The following SBF2 variants were observed in gnomAD, a reference collection of about 807,000 sequenced individuals.
SBF2 encodes the protein myotubularin-related protein 13.
Under a neutral mutation model 225.2 loss-of-function variants are expected in SBF2, and 112 were observed. The ratio of observed to expected loss-of-function variants is 0.50; its 90% CI spans 0.43 to 0.58. SBF2 has a LOEUF of 0.58. SBF2 is among the 20% of genes least tolerant of loss of function. The pLI is 0.00. For missense variants in SBF2, 1,996 were observed against 2,206.2 expected (o/e 0.90, Z 1.91); for synonymous variants, 763 against 773.3 (o/e 0.99, Z 0.22).
chr11:10,006,987 A>G (rs1439849530), intron 6 of SBF2, among the ~76,000 whole-genome samples: 1 of 152,228 alleles, frequency 6.6e-6, no homozygotes, highest in Non-Finnish European at 1.5e-5. Context: ...CCGTCGGCAC[A>G]AGAGACCCAT....
At chr11:10,220,298 A>T (rs1439593409) in intron 1 of SBF2, among the ~76,000 whole-genome samples, 1 of 152,174 alleles carries the variant, frequency 6.6e-6, no homozygotes, top group Non-Finnish European at 1.5e-5. Context: ...TCGCCCCACC[A>T]GCCCATGATT....
At chr11:10,010,002 G>C (rs1342297099) in intron 6 of SBF2, among the ~76,000 whole-genome samples, 1 of 152,210 alleles carries the variant, frequency 6.6e-6, no homozygotes, top group Non-Finnish European at 1.5e-5. Flanking sequence ...CTGATGATCA[G>C]TGATGATGAG....
intron 16 of SBF2, chr11:9,959,896 C>T (rs1866451312): frequency 2.6e-6 from 1 of 389,868 alleles, no homozygotes; most frequent in Non-Finnish European, 5.0e-6. Context: ...CTCTGCTCTT[C>T]TCCCATTCTC....
At chr11:10,214,917 C>A (rs1431040429) in intron 1 of SBF2, among the ~76,000 whole-genome samples, 1 of 152,172 alleles carries the variant, frequency 6.6e-6, no homozygotes, top group African/African-American at 2.4e-5. Flanking sequence ...CTCACAAAAT[C>A]TTTGGAAAAA....
Position 9,847,026 on chromosome 11 carries a change from T to G in SBF2, c.2864A>C (p.Lys955Thr), listed in dbSNP as rs769683368. The change falls in exon 23 of 40, where the codon AAG becomes ACG. Residue 955 changes from lysine to threonine, a missense_variant. By Grantham distance (78) the Lys-to-Thr change is moderately conservative. Coordinates refer to ENST00000256190, the MANE Select transcript of SBF2 (RefSeq NM_030962.4). ...FPIASITKEK[K>T]ITMQNQLQQN... ...CTGTAGCTGGTTCTGCATTGTAATC[T>G]TCTTCTCCTTGGTGATGGAGGCAAT... The G allele has an allele frequency of 3.7e-6, 6 of 1,613,894 alleles. 1 individual carries two copies. The highest frequency in any genetic ancestry group is 1.3e-5 in the African/African-American group (1 of 75,056).
chr11:9,870,567 T>C (rs1173111149), intron 17 of SBF2, among the ~76,000 whole-genome samples: 1 of 152,236 alleles, frequency 6.6e-6, no homozygotes, highest in Non-Finnish European at 1.5e-5. Context: ...TACAACCATC[T>C]GATCGTTGAC....
chr11:10,041,771 G>A (rs1485462910), intron 3 of SBF2, among the ~76,000 whole-genome samples: 2 of 149,352 alleles, frequency 1.3e-5, no homozygotes, highest in Non-Finnish European at 3.0e-5. Context: ...AGCCATTTCA[G>A]AAAGCAGGCC....
At chr11:9,970,700 G>A (rs935990993) in intron 13 of SBF2, among the ~76,000 whole-genome samples, 1 of 152,138 alleles carries the variant, frequency 6.6e-6, no homozygotes, top group African/African-American at 2.4e-5. Flanking sequence ...GTGATGCAGG[G>A]AAAACAACTT....
intron 26 of SBF2, chr11:9,839,153 C>A (rs191469869): frequency 1.4e-4 from 45 of 327,014 alleles, no homozygotes; most frequent in Admixed American, 3.1e-4. Context: ...TTTGTGGCTC[C>A]CCAGCCTACA....
At chr11:9,834,875 T>TA (rs1327579298) in intron 26 of SBF2, among the ~76,000 whole-genome samples, 1 of 152,180 alleles carries the variant, frequency 6.6e-6, no homozygotes, top group East Asian at 1.9e-4. Flanking sequence ...CTGCCCCCTG[T>TA]AGTGAGCCAT....
intron 1 of SBF2, among the ~76,000 whole-genome samples, chr11:10,289,300 G>C (rs928336917): frequency 3.3e-5 from 5 of 152,250 alleles, no homozygotes; most frequent in East Asian, 3.9e-4. Context: ...TGTGTGGGGT[G>C]GGGGGGCCTC....
At chr11:10,188,198 AT>A (rs1161378543) in intron 2 of SBF2, among the ~76,000 whole-genome samples, 3 of 151,900 alleles carry the variant, frequency 2.0e-5, no homozygotes, top group Non-Finnish European at 2.9e-5. Flanking sequence ...AAGTCAAGAA[AT>A]TTTTTTTTGC....
intron 3 of SBF2, among the ~76,000 whole-genome samples, chr11:10,042,406 T>C (rs938649920): frequency 1.3e-5 from 2 of 152,224 alleles, no homozygotes; most frequent in Non-Finnish European, 2.9e-5. Context: ...CCTGATCATG[T>C]TGATAATACC....
intron 2 of SBF2, among the ~76,000 whole-genome samples, chr11:10,130,742 T>C (rs1402153612): frequency 6.6e-6 from 1 of 152,190 alleles, no homozygotes; most frequent in East Asian, 1.9e-4. Flanking sequence ...CCTGGTGACC[T>C]CTACAATTGT....
At chr11:10,195,765 GA>G (rs1237806977) in intron 1 of SBF2, among the ~76,000 whole-genome samples, 3 of 152,120 alleles carry the variant, frequency 2.0e-5, no homozygotes, top group African/African-American at 7.2e-5. Flanking sequence ...AAATCCATTT[GA>G]AAAAGACAAA....
intron 3 of SBF2, among the ~76,000 whole-genome samples, chr11:10,039,925 T>C (rs986145631): frequency 1.3e-5 from 2 of 151,746 alleles, no homozygotes; most frequent in African/African-American, 4.8e-5. Context: ...GATTTACATA[T>C]TATTGACAAA....
intron 16 of SBF2, among the ~76,000 whole-genome samples, chr11:9,924,983 A>C (rs765643585): frequency 1.3e-5 from 2 of 152,010 alleles, no homozygotes; most frequent in African/African-American, 2.4e-5. Flanking sequence ...TCCTGGGCTC[A>C]AGCAGTTCTC....
intron 2 of SBF2, among the ~76,000 whole-genome samples, chr11:10,076,317 T>G (rs2134836730): frequency 6.6e-6 from 1 of 152,330 alleles, no homozygotes; most frequent in Non-Finnish European, 1.5e-5. Context: ...CAGAAGGCCA[T>G]TCTTGATCCA....
intron 17 of SBF2, among the ~76,000 whole-genome samples, chr11:9,885,260 A>AAC (rs1450102376): frequency 1.3e-5 from 2 of 149,552 alleles, no homozygotes; most frequent in South Asian, 2.1e-4. Context: ...CCAAAAAAAA[A>AAC]AAAAAAAAAA....
Sources: allele counts gnomAD v4.1 joint callset (sites outside exome capture counted in the v4.1 genomes callset), GRCh38; gene constraint gnomAD v4.1.1; transcripts MANE v1.5; gene names NCBI Gene and HGNC (gene_info 2026-07-23, HGNC 2026-07-21).